NHSL1: variants seen among roughly 807,000 people sequenced by gnomAD.
NHSL1 encodes the protein NHS like 1.
In NHSL1, 48 loss-of-function variants were observed where a neutral mutation model predicts 95.0. That is an observed-to-expected ratio of 0.51 (90% CI 0.40 to 0.64). The LOEUF (loss-of-function observed/expected upper bound fraction) is 0.64, where lower values mean the gene tolerates loss of function less well. Ranked by LOEUF, NHSL1 falls within the 30% of genes least tolerant of loss-of-function variation. NHSL1 has a pLI of 0.00. For synonymous variants in NHSL1, 783 were observed against 833.9 expected, an observed-to-expected ratio of 0.94 and a Z score of 1.05; for missense variants, 1,971 against 2,077.7, an observed-to-expected ratio of 0.95 and a Z score of 1.00.
rs1562385740 is a variant in NHSL1, at chr6:138,592,647, A to AAC, written c.97-96277_97-96276insGT. Among the ~76,000 whole-genome samples, 4 of 152,152 alleles carry AAC rather than the reference A, an allele frequency of 2.6e-5. No homozygotes were observed. The South Asian group carries it at 8.3e-4, about 32-fold the overall frequency. The stretch of plus-strand genomic sequence containing the variant: ...AAAACAAAAAACAACAACAAAAAAA[A>AAC]CCCCTACATATCCAGAACTAAAGAG... On this transcript the variant is annotated intron_variant, in intron 1 of 3. Coordinates refer to the NHSL1 transcript ENST00000491526.
At chr6:138,610,719 A>T (rs755381818) in intron 1 of NHSL1, among the ~76,000 whole-genome samples, 29 of 151,928 alleles carry the variant, frequency 1.9e-4, no homozygotes, top group Non-Finnish European at 4.1e-4. Flanking sequence ...GTCCACACTT[A>T]CTCATCTATT....
chr6:138,627,670 T>C (rs1326085517), intron 1 of NHSL1, among the ~76,000 whole-genome samples: 1 of 150,244 alleles, frequency 6.7e-6, no homozygotes, highest in Non-Finnish European at 1.5e-5. Flanking sequence ...GATCACGAGG[T>C]CAGGAGTTTG....
At chr6:138,476,345 G>T (rs1406887624) in intron 2 of NHSL1, among the ~76,000 whole-genome samples, 1 of 152,168 alleles carries the variant, frequency 6.6e-6, no homozygotes, top group Non-Finnish European at 1.5e-5. Context: ...ATAATTTGCA[G>T]CAACCTGGAC....
intron 4 of NHSL1, among the ~76,000 whole-genome samples, chr6:138,445,205 C>T (rs1360856352): frequency 6.6e-6 from 1 of 152,118 alleles, no homozygotes; most frequent in Admixed American, 6.5e-5. Flanking sequence ...ACCTTAATTC[C>T]ATTAAGGATT....
intron 3 of NHSL1, among the ~76,000 whole-genome samples, chr6:138,467,923 T>C (rs1778497971): frequency 6.6e-6 from 1 of 151,880 alleles, no homozygotes; most frequent in Non-Finnish European, 1.5e-5. Context: ...AACATATTTC[T>C]TTTTTGTAGA....
intron 1 of NHSL1, among the ~76,000 whole-genome samples, chr6:138,638,787 T>A (rs1475544665): frequency 6.6e-6 from 1 of 152,126 alleles, no homozygotes; most frequent in Non-Finnish European, 1.5e-5. Context: ...CCACTATGGA[T>A]CAAGCTGCAT....
chr6:138,557,798 C>T (rs1022681437), intron 1 of NHSL1, among the ~76,000 whole-genome samples: 5 of 152,208 alleles, frequency 3.3e-5, no homozygotes, highest in Non-Finnish European at 4.4e-5. Context: ...ATTGCAGGAA[C>T]TGCTTGCTCA....
In NHSL1 at chr6:138,571,850, C is replaced by T. The variant is rs116847080; in HGVS notation, c.62G>A (p.Arg21His). ...GGAGAAATTTATCCAACTTACAGCA[C>T]GTGAGAGAGAACCTGTATTCGGCTG... Residue 21 changes from arginine to histidine, a missense_variant, in exon 1 of 7, where the codon CGT becomes CAT. By Grantham distance (29) the Arg-to-His change is conservative (BLOSUM62 0). Coordinates refer to the NHSL1 transcript ENST00000427025. 1.4e-4 allele frequency: 211 copies of T among 1,551,830 alleles called. No individual in the cohort carries two copies. In the East Asian group the frequency reaches 3.9e-3, roughly 29 times the overall value.
In NHSL1 at chr6:138,432,717, C is replaced by G. The variant is rs1255023291; in HGVS notation, c.1628G>C (p.Gly543Ala). The G allele has an allele frequency of 3.2e-6, 5 of 1,551,632 alleles. No homozygotes were observed. The South Asian group carries it at 5.9e-5, about 18-fold the overall frequency. ...VDGKSESSYSGGGGHSSSEPW... is the reference protein window; with the variant it reads ...VDGKSESSYSAGGGHSSSEPW... ...CTCCGAGCTGCTGTGCCCTCCGCCCCCTGAATAACTAGATTCACTCTTGCC... is the reference window on the plus strand; with the variant it reads ...CTCCGAGCTGCTGTGCCCTCCGCCCGCTGAATAACTAGATTCACTCTTGCC... The change falls in exon 6 of 8, where the codon GGG becomes GCG. Residue 543 changes from glycine to alanine, a missense_variant. Physicochemically the swap from Gly to Ala is moderately conservative, Grantham distance 60 (BLOSUM62 0). Around this residue, in one of 3 missense-constraint regions of NHSL1, gnomAD observed 1,602 missense variants for 1,654.5 expected, o/e 0.97. Coordinates refer to ENST00000343505, the MANE Select transcript of NHSL1 (RefSeq NM_001144060.2). The surrounding 1 kb of genome is among the most constrained non-coding windows in gnomAD (Gnocchi z 4.4).
intron 1 of NHSL1, among the ~76,000 whole-genome samples, chr6:138,657,814 C>CAAAAAAAAAAAAAA (rs1051789759): frequency 2.7e-3 from 88 of 32,476 alleles, no homozygotes; most frequent in Non-Finnish European, 3.5e-3. Flanking sequence ...GACTCCATCT[C>CAAAAAAAAAAAAAA]AAAAAAAAAA....
At chr6:138,521,371 CG>C (rs954819289) in intron 1 of NHSL1, among the ~76,000 whole-genome samples, 1 of 152,200 alleles carries the variant, frequency 6.6e-6, no homozygotes, top group East Asian at 1.9e-4. Flanking sequence ...GAGGTTGAAG[CG>C]GGAAGACCCC....
At chr6:138,613,512 G>A (rs1042845810) in intron 1 of NHSL1, among the ~76,000 whole-genome samples, 1 of 152,196 alleles carries the variant, frequency 6.6e-6, no homozygotes. Flanking sequence ...AACTGAGGGA[G>A]TATGTGCACC....
At chr6:138,461,792 AGGGTTTCTTC>A (rs1778014777) in intron 3 of NHSL1, among the ~76,000 whole-genome samples, 1 of 152,232 alleles carries the variant, frequency 6.6e-6, no homozygotes, top group Admixed American at 6.5e-5. Context: ...AGGTCAAAGT[AGGGTTTCTTC>A]AAGATGAAAG....
chr6:138,453,272 C>A (rs1777360030), intron 3 of NHSL1, among the ~76,000 whole-genome samples: 1 of 152,128 alleles, frequency 6.6e-6, no homozygotes, highest in Non-Finnish European at 1.5e-5. Flanking sequence ...CCATGCCCAG[C>A]CTAATTGTTC....
chr6:138,456,566 A>C (rs1249427165), intron 3 of NHSL1, among the ~76,000 whole-genome samples: 1 of 152,230 alleles, frequency 6.6e-6, no homozygotes, highest in African/African-American at 2.4e-5. Flanking sequence ...TGAATTTTAC[A>C]CAAGAGATTG....
rs1249568805 is a variant in NHSL1, at chr6:138,430,899, T to A, written c.3446A>T (p.Asp1149Val). 1 of 1,551,402 alleles carries A rather than the reference T, an allele frequency of 6.4e-7. No homozygotes were observed. Among genetic ancestry groups the A allele is most frequent in the African/African-American group, 1.4e-5 (1 of 73,042 alleles). Reference sequence around the variant, plus strand: ...ACCACGCTCAGCCGCACTGCCATGGTCACCCTGACTCGAGCTCTTGGCAGG... The same window carrying A: ...ACCACGCTCAGCCGCACTGCCATGGACACCCTGACTCGAGCTCTTGGCAGG... ...PTPAKSSSQG[D>V]HGSAAERGGP... is the part of the protein sequence containing the mutation. The change falls in exon 6 of 8, where the codon GAC (aspartate) becomes GTC (valine). Residue 1149 changes from aspartate to valine, a missense_variant. By Grantham distance (152) the Asp-to-Val change is radical (BLOSUM62 -3). Around this residue, in one of 3 missense-constraint regions of NHSL1, gnomAD observed 1,602 missense variants for 1,654.5 expected, o/e 0.97. Transcript: ENST00000343505. The surrounding 1 kb of genome is among the most constrained non-coding windows in gnomAD (Gnocchi z 4.7).
At chr6:138,665,799 G>T (rs957623662) in intron 1 of NHSL1, among the ~76,000 whole-genome samples, 1 of 150,806 alleles carries the variant, frequency 6.6e-6, no homozygotes, top group Non-Finnish European at 1.5e-5. Flanking sequence ...TAATCCTATC[G>T]CCCCTCTAAT....
At chr6:138,453,449 G>T (rs532510775) in intron 3 of NHSL1, among the ~76,000 whole-genome samples, 62 of 152,164 alleles carry the variant, frequency 4.1e-4, no homozygotes, top group African/African-American at 1.4e-3. Flanking sequence ...CAGATTCCTG[G>T]GCTCAAGCAA....
At chr6:138,526,947 G>T (rs1021537420) in intron 1 of NHSL1, among the ~76,000 whole-genome samples, 2 of 152,170 alleles carry the variant, frequency 1.3e-5, no homozygotes, top group Admixed American at 1.3e-4. Context: ...GTCATTCGTG[G>T]TAGTTTTGGG....
Sources: gnomAD v4.1 joint callset for allele counts (sites outside exome capture counted in the v4.1 genomes callset) on GRCh38, gnomAD v4.1.1 for gene constraint, gnomAD v4.1.1 regional missense constraint, Gnocchi (gnomAD v3.1) non-coding constraint, MANE v1.5 for transcripts, NCBI Gene and HGNC (gene_info 2026-07-23, HGNC 2026-07-21) for gene names.